The following PCDHGB6 variants were observed in gnomAD, a reference collection of about 807,000 sequenced individuals.
The protein encoded by PCDHGB6 is protocadherin gamma-B6.
Under a neutral mutation model 59.1 loss-of-function variants are expected in PCDHGB6, and 51 were observed. The ratio of observed to expected loss-of-function variants is 0.86; its 90% confidence interval spans 0.69 to 1.09. PCDHGB6 has a LOEUF of 1.09. Ranked by LOEUF, PCDHGB6 falls within the 50% of genes least tolerant of loss-of-function variation. The pLI, the probability that PCDHGB6 is intolerant of heterozygous loss-of-function variation, is 0.00. For synonymous variants in PCDHGB6, 466 were observed against 495.1 expected, an observed-to-expected ratio of 0.94 and a Z score of 0.78; for missense variants, 1,148 against 1,205.1, an observed-to-expected ratio of 0.95 and a Z score of 0.70.
At chr5:141,427,879 C>T in intron 1 of PCDHGB6, 1 of 1,562,380 alleles carries the variant, frequency 6.4e-7, no homozygotes. Context: ...ACGATGCAGG[C>T]CCACGACCAG....
chr5:141,460,795 G>GTA (rs2154567069), intron 1 of PCDHGB6, among the ~76,000 whole-genome samples: 1 of 151,608 alleles, frequency 6.6e-6, no homozygotes, highest in East Asian at 1.9e-4. Flanking sequence ...TACACACAAA[G>GTA]TATATATATG....
intron 2 of PCDHGB6, among the ~76,000 whole-genome samples, chr5:141,503,351 C>T (rs1186394919): frequency 6.6e-6 from 1 of 151,994 alleles, no homozygotes; most frequent in Admixed American, 6.6e-5. Context: ...AATTCCAGCA[C>T]TTTGGGAAGC....
At chr5:141,509,411 AGCC>A (rs2099876675) in intron 3 of PCDHGB6, among the ~76,000 whole-genome samples, 2 of 152,098 alleles carry the variant, frequency 1.3e-5, no homozygotes, top group Admixed American at 1.3e-4. Flanking sequence ...TCCAGCAGCG[AGCC>A]CCAATGAGTC....
chr5:141,473,431 G>A (rs541546681), intron 1 of PCDHGB6, among the ~76,000 whole-genome samples: 10 of 152,266 alleles, frequency 6.6e-5, no homozygotes, highest in Non-Finnish European at 1.3e-4. Flanking sequence ...CAGATACTTT[G>A]CTTATGCAAA....
rs747671382 is a variant in PCDHGB6 at position 141,444,152 on chromosome 5, ATTTTTTTTTTTTTTTTTTTT to A, written c.2418+33549_2418+33568del. ...GATATGTGTCACTTGTGTGTACTGG[ATTTTTTTTTTTTTTTTTTTT>A]TTTTTTTTTTTTTTTTGAGATGGAG... On this transcript the variant is annotated intron_variant, in intron 1 of 3. Transcript: ENST00000520790. 2.4e-4 allele frequency among the ~76,000 whole-genome samples: 8 copies of A among 33,898 alleles called. No homozygotes were observed. In the East Asian group the frequency reaches 3.0e-3, roughly 13 times the overall value. 22.2% of individuals were successfully genotyped at this position (33,898 alleles called of 152,430 possible). A position where few individuals can be genotyped will look rare whatever the true frequency, so the allele number is the denominator to read the frequency against.
At chr5:141,483,972 A>G in intron 1 of PCDHGB6, among the ~76,000 whole-genome samples, 1 of 83,960 alleles carries the variant, frequency 1.2e-5, no homozygotes, top group Admixed American at 1.8e-4. Context: ...TGCTTGTGCA[A>G]GGGAGTAGCT....
Position 141,413,600 on chromosome 5 carries a change from T to A in PCDHGB6, c.2418+2980T>A, listed in dbSNP as rs767830855. ...GCTCCAAAATTCCAAGCAGAAAATC[T>A]AGACGTAAAAATTAATGAAAATGTC... On this transcript the variant is annotated intron_variant, in intron 1 of 3. Transcript: ENST00000520790. 2.4e-5 allele frequency: 39 copies of A among 1,613,750 alleles called. No homozygotes were observed. Among genetic ancestry groups the A allele is most frequent in the Non-Finnish European group, 3.3e-5 (39 of 1,179,908 alleles).
At chr5:141,474,606 T>C (rs1156236978) in intron 1 of PCDHGB6, among the ~76,000 whole-genome samples, 1 of 152,242 alleles carries the variant, frequency 6.6e-6, no homozygotes, top group Non-Finnish European at 1.5e-5. Context: ...ATAGGTCACA[T>C]ATGGCTTTTC....
chr5:141,462,652 A>T (rs201168659), intron 1 of PCDHGB6, among the ~76,000 whole-genome samples: 1 of 80,348 alleles, frequency 1.2e-5, no homozygotes, highest in African/African-American at 7.4e-5. Flanking sequence ...TTCCATCCTC[A>T]ATTATCTTCA....
Position 141,476,292 on chromosome 5 carries a change from G to A in PCDHGB6, c.2419-18515G>A. The A allele has an allele frequency of 1.9e-6, 3 of 1,614,144 alleles. No homozygotes were observed. The highest frequency in any genetic ancestry group is 2.5e-6 in the Non-Finnish European group (3 of 1,180,016). On this transcript the variant is annotated intron_variant, in intron 1 of 3. Transcript: ENST00000520790. This position sits in a 1 kb window ranked among gnomAD's most constrained non-coding sequence, Gnocchi z 7.6. ...GTCGCGAACCTTGGTTTGGATCTCGGTAGCCTCTCAGCCCGCAGGTTCCGG... is the reference window on the plus strand; with the variant it reads ...GTCGCGAACCTTGGTTTGGATCTCGATAGCCTCTCAGCCCGCAGGTTCCGG...
rs768206517 is a variant in PCDHGB6 at position 141,432,482 on chromosome 5, G to C, written c.2418+21862G>C. 6.2e-7 allele frequency: 1 copy of C among 1,614,178 alleles called. No individual in the cohort carries two copies. Among genetic ancestry groups the C allele is most frequent in the South Asian group, 1.1e-5 (1 of 91,074 alleles). ...CCTCCCCACGGACGGTTCCACTGGC[G>C]TGGAGCTGGCTCCCCGCTCCGCAGA... On this transcript the variant is annotated intron_variant, in intron 1 of 3. Coordinates refer to ENST00000520790, the MANE Select transcript of PCDHGB6 (RefSeq NM_018926.3). The surrounding 1 kb of genome is among the most constrained non-coding windows in gnomAD (Gnocchi z 6.0).
intron 1 of PCDHGB6, among the ~76,000 whole-genome samples, chr5:141,483,094 G>C (rs1304382782): frequency 6.6e-6 from 1 of 152,058 alleles, no homozygotes; most frequent in African/African-American, 2.4e-5. Context: ...CAAAAAAAAA[G>C]TGTGCGTGTA....
chr5:141,409,885 G>A lies in PCDHGB6; in HGVS notation c.1683G>A (p.Arg561=). The change falls in exon 1 of 4, where the codon CGG becomes CGA. Residue 561 remains arginine, a synonymous_variant. Coordinates refer to ENST00000520790, the MANE Select transcript of PCDHGB6 (RefSeq NM_018926.3). ...GAGACCGCAATGACAACGCACCGCG[G>A]GTGCTGTACCCAGCTCTGGGTCCTG... The part of the protein sequence containing the change: ...LVGDRNDNAP[R]VLYPALGPDG... 6.2e-7 allele frequency: 1 copy of A among 1,613,110 alleles called. No individual in the cohort carries two copies.
Position 141,409,474 on chromosome 5 carries a change from C to T in PCDHGB6, c.1272C>T (p.Ala424=). 1 of 1,614,002 alleles carries T rather than the reference C, an allele frequency of 6.2e-7. No homozygotes were observed. The highest frequency in any genetic ancestry group is 8.5e-7 in the Non-Finnish European group (1 of 1,179,888). ...QTPEYNVTIV[A]TDRGKPPLSS... is the part of the protein sequence containing the mutation. ...CAGAATACAATGTCACCATCGTAGC[C>T]ACTGACAGGGGCAAGCCGCCTCTTT... is the stretch of plus-strand genomic sequence containing the variant. The change falls in exon 1 of 4, where the codon GCC becomes GCT. Residue 424 remains alanine, a synonymous_variant. Coordinates refer to ENST00000520790, the MANE Select transcript of PCDHGB6 (RefSeq NM_018926.3).
chr5:141,415,134 C>T (rs760482028), intron 1 of PCDHGB6: 10 of 1,613,552 alleles, frequency 6.2e-6, no homozygotes, highest in South Asian at 3.3e-5. Context: ...TCCAGGACCA[C>T]GGCCAGCCCC....
intron 1 of PCDHGB6, among the ~76,000 whole-genome samples, chr5:141,435,011 A>G (rs2097737147): frequency 6.6e-6 from 1 of 152,126 alleles, no homozygotes; most frequent in African/African-American, 2.4e-5. Flanking sequence ...TTTATCAATG[A>G]TAATGCTCTT....
At chr5:141,478,765 C>T in intron 1 of PCDHGB6, 1 of 1,508,614 alleles carries the variant, frequency 6.6e-7, no homozygotes, top group Non-Finnish European at 8.9e-7. Context: ...AGATACTTGA[C>T]TCATCTGTGG....
intron 1 of PCDHGB6, among the ~76,000 whole-genome samples, chr5:141,437,573 G>A (rs923321760): frequency 1.3e-5 from 2 of 152,164 alleles, no homozygotes; most frequent in African/African-American, 4.8e-5. Flanking sequence ...GAGTATAGCT[G>A]TGATCATGAA....
intron 1 of PCDHGB6, among the ~76,000 whole-genome samples, chr5:141,471,768 T>A (rs1203999329): frequency 6.6e-6 from 1 of 152,174 alleles, no homozygotes; most frequent in Non-Finnish European, 1.5e-5. Context: ...GGTCAAAAGA[T>A]GAGTTTGACA....
Sources: allele counts gnomAD v4.1 joint callset (sites outside exome capture counted in the v4.1 genomes callset), GRCh38; gene constraint gnomAD v4.1.1; non-coding constraint Gnocchi (gnomAD v3.1); transcripts MANE v1.5; gene names NCBI Gene and HGNC (gene_info 2026-07-23, HGNC 2026-07-21).